Variants in AIG1 observed in about 807,000 individuals in gnomAD.
AIG1 encodes androgen induced 1.
In AIG1, 23 loss-of-function variants were observed where a neutral mutation model predicts 31.4. The ratio of observed to expected loss-of-function variants is 0.73; its 90% confidence interval spans 0.53 to 1.04. The LOEUF (loss-of-function observed/expected upper bound fraction) is 1.04, where lower values mean the gene tolerates loss of function less well. AIG1 is among the 50% of genes least tolerant of loss of function. The pLI, the probability that AIG1 is intolerant of heterozygous loss-of-function variation, is 0.00. For missense variants in AIG1, 274 were observed against 295.0 expected (o/e 0.93, Z 0.52); for synonymous variants, 100 against 110.5 (o/e 0.90, Z 0.60).
At position 143,340,007 on chromosome 6, in the gene AIG1, T is replaced by G. The variant is rs1208303257; in HGVS notation, c.*331T>G. Reference sequence around the variant, plus strand: ...CATCTAATCAAGAAAGAATAAAAGTTTATTGCACTTCTTTTTGAGAAATAT... The same window carrying G: ...CATCTAATCAAGAAAGAATAAAAGTGTATTGCACTTCTTTTTGAGAAATAT... On this transcript the variant is annotated 3_prime_UTR_variant, in exon 6 of 6. Transcript: ENST00000357847. 4.8e-6 allele frequency: 1 copy of G among 206,356 alleles called. No individual in the cohort carries two copies. The highest frequency in any genetic ancestry group is 9.6e-6 in the Non-Finnish European group (1 of 104,278). The allele number at this position is 206,356 out of a possible 1,614,324, so 12.8% of individuals were successfully genotyped here. A position where few individuals can be genotyped will look rare whatever the true frequency, so the allele number is the denominator to read the frequency against.
rs1275599280 is a variant in AIG1 at position 143,339,825 on chromosome 6, A to G, written c.*149A>G. On this transcript the variant is annotated 3_prime_UTR_variant, in exon 6 of 6. Transcript: ENST00000357847. The stretch of plus-strand genomic sequence containing the variant: ...ATGAGGACACCTTTTATATATAAAT[A>G]TGTATAAACATAGAATACAGTTGTT... The G allele has an allele frequency of 3.3e-6, 2 of 606,954 alleles. No individual in the cohort carries two copies. The highest frequency in any genetic ancestry group is 5.5e-6 in the Non-Finnish European group (2 of 364,376). The allele number at this position is 606,954 out of a possible 1,614,324, so 37.6% of individuals were successfully genotyped here.
downstream of AIG1, chr6:143,342,309 C>G (rs1002593167): frequency 1.5e-6 from 1 of 682,120 alleles, no homozygotes; most frequent in Non-Finnish European, 2.7e-6. Flanking sequence ...TCCCCTGGTG[C>G]GCAGCAGCAG....
intron 3 of AIG1, among the ~76,000 whole-genome samples, chr6:143,275,617 A>G (rs1057504693): frequency 6.6e-6 from 1 of 152,072 alleles, no homozygotes; most frequent in Non-Finnish European, 1.5e-5. Flanking sequence ...TGGCCATGTG[A>G]ATGAATGCTG....
At chr6:143,229,699 C>T (rs959524578) in intron 3 of AIG1, among the ~76,000 whole-genome samples, 1 of 147,112 alleles carries the variant, frequency 6.8e-6, no homozygotes, top group Non-Finnish European at 1.5e-5. Flanking sequence ...AAAAGATGAT[C>T]AAGGCAATGC....
chr6:143,196,022 C>T (rs12523778), intron 3 of AIG1, among the ~76,000 whole-genome samples: 6 of 152,224 alleles, frequency 3.9e-5, no homozygotes, highest in African/African-American at 1.4e-4. Flanking sequence ...TTGGCTCCTT[C>T]TGACCTTCTA....
Position 143,279,478 on chromosome 6 carries a change from A to C in AIG1, c.400-4632A>C, listed in dbSNP as rs1317471397. On this transcript the variant is annotated intron_variant, in intron 3 of 5. Transcript: ENST00000357847. This position sits in a 1 kb window ranked among gnomAD's most constrained non-coding sequence, Gnocchi z 5.4. ...GTCTTCCTTTGAGCCTCTTCTGCAA[A>C]AGCCCTTTTTCTTGTCCCATCTGCT... Among the ~76,000 whole-genome samples the C allele has an allele frequency of 2.0e-5, 3 of 152,184 alleles. No individual in the cohort carries two copies. The highest frequency in any genetic ancestry group is 7.2e-5 in the African/African-American group (3 of 41,434).
rs1266664914 is a variant in AIG1 at position 143,256,610 on chromosome 6, C to A, written c.400-27500C>A. Among the ~76,000 whole-genome samples the A allele has an allele frequency of 2.6e-5, 4 of 152,186 alleles. No homozygotes were observed. Among genetic ancestry groups the A allele is most frequent in the African/African-American group, 9.7e-5 (4 of 41,448 alleles). The stretch of plus-strand genomic sequence containing the variant: ...CGAGCAGATAAAAATGGAACCGTTA[C>A]AGCTGAAATAGGGTGGGAAAGGATC... On this transcript the variant is annotated intron_variant, in intron 3 of 5. Coordinates refer to ENST00000357847, the MANE Select transcript of AIG1 (RefSeq NM_016108.4). The surrounding 1 kb of genome is among the most constrained non-coding windows in gnomAD (Gnocchi z 4.6).
intron 1 of AIG1, among the ~76,000 whole-genome samples, chr6:143,091,145 T>G (rs1197559981): frequency 6.6e-6 from 1 of 152,218 alleles, no homozygotes; most frequent in Admixed American, 6.5e-5. Flanking sequence ...CAATCATATC[T>G]TCAGACTCCA....
At chr6:143,336,176 A>G (rs780810648) in intron 5 of AIG1, among the ~76,000 whole-genome samples, 18 of 152,236 alleles carry the variant, frequency 1.2e-4, no homozygotes, top group Non-Finnish European at 2.2e-4. Flanking sequence ...CAGTTACTAT[A>G]CAATCCCCCA....
intron 3 of AIG1, among the ~76,000 whole-genome samples, chr6:143,262,602 G>T (rs1795865384): frequency 1.3e-5 from 2 of 152,158 alleles, no homozygotes; most frequent in African/African-American, 4.8e-5. Flanking sequence ...GATTCTTACA[G>T]ATTCCTACAA....
In AIG1 at chr6:143,330,125, G is replaced by A. The variant is rs1171421876; in HGVS notation, c.516-3157G>A. 6.6e-6 allele frequency among the ~76,000 whole-genome samples: 1 copy of A among 152,104 alleles called. No homozygotes were observed. Among genetic ancestry groups the A allele is most frequent in the African/African-American group, 2.4e-5 (1 of 41,420 alleles). ...CATTAGATTATTAATTCAACAAATA[G>A]TTATTGAGTGCATACTCTGCCAGAT... is the stretch of plus-strand genomic sequence containing the variant. On this transcript the variant is annotated intron_variant, in intron 4 of 5. Transcript: ENST00000357847. This position sits in a 1 kb window ranked among gnomAD's most constrained non-coding sequence, Gnocchi z 4.4.
chr6:143,296,756 T>C (rs1201033844), intron 4 of AIG1, among the ~76,000 whole-genome samples: 1 of 152,230 alleles, frequency 6.6e-6, no homozygotes, highest in Non-Finnish European at 1.5e-5. Context: ...AGAAACTTGA[T>C]CTAAAATAGC....
chr6:143,147,778 C>T (rs1784832113), intron 2 of AIG1, among the ~76,000 whole-genome samples: 1 of 152,146 alleles, frequency 6.6e-6, no homozygotes, highest in Admixed American at 6.5e-5. Context: ...GTTCCACTTG[C>T]ACTTTCTGAG....
At position 143,321,046 on chromosome 6, in the gene AIG1, C is replaced by T. The variant is rs532129139; in HGVS notation, c.516-12236C>T. Reference sequence around the variant, plus strand: ...TGTTGGCCAGGCTGGTCTTGAACTCCCCACCTCAGGTGATCCACCCACCTT... The same window carrying T: ...TGTTGGCCAGGCTGGTCTTGAACTCTCCACCTCAGGTGATCCACCCACCTT... On this transcript the variant is annotated intron_variant, in intron 4 of 5. Transcript: ENST00000357847. Among the ~76,000 whole-genome samples the T allele has an allele frequency of 5.3e-5, 8 of 151,824 alleles. 1 individual carries two copies. In the South Asian group the frequency reaches 1.7e-3, roughly 32 times the overall value.
Position 143,331,369 on chromosome 6 carries a change from C to A in AIG1, c.516-1913C>A, listed in dbSNP as rs1213530502. Among the ~76,000 whole-genome samples the A allele has an allele frequency of 6.6e-6, 1 of 152,108 alleles. No homozygotes were observed. The highest frequency in any genetic ancestry group is 2.1e-4 in the South Asian group (1 of 4,820). On this transcript the variant is annotated intron_variant, in intron 4 of 5. Coordinates refer to ENST00000357847, the MANE Select transcript of AIG1 (RefSeq NM_016108.4). The surrounding 1 kb of genome is among the most constrained non-coding windows in gnomAD (Gnocchi z 4.1). ...AATAACTCCCTATTCTCCACTCCCC[C>A]GAGTCCCTGGTAACTGATAGATACC...
intron 3 of AIG1, among the ~76,000 whole-genome samples, chr6:143,253,491 C>T (rs1057347561): frequency 6.6e-6 from 1 of 152,146 alleles, no homozygotes; most frequent in Non-Finnish European, 1.5e-5. Flanking sequence ...GTTAATTTGT[C>T]TTCAGCATAG....
intron 3 of AIG1, among the ~76,000 whole-genome samples, chr6:143,229,784 CAAAA>C (rs751464049): frequency 0.021 from 1,694 of 80,680 alleles, 29 homozygotes; most frequent in African/African-American, 0.058. Flanking sequence ...ACTCTCAGAA[CAAAA>C]AAAAAAAAAA....
chr6:143,336,696 A>C (rs192860225), intron 5 of AIG1, among the ~76,000 whole-genome samples: 3 of 152,270 alleles, frequency 2.0e-5, no homozygotes, highest in Middle Eastern at 3.4e-3. Context: ...CCATCCCAAC[A>C]ACCCCAAACG....
chr6:143,095,227 G>C (rs908663508), intron 1 of AIG1, among the ~76,000 whole-genome samples: 1 of 151,980 alleles, frequency 6.6e-6, no homozygotes, highest in African/African-American at 2.4e-5. Context: ...TGGAACTTCA[G>C]TAACAATTAT....
Sources: gnomAD v4.1 joint callset for allele counts (sites outside exome capture counted in the v4.1 genomes callset) on GRCh38, gnomAD v4.1.1 for gene constraint, Gnocchi (gnomAD v3.1) non-coding constraint, MANE v1.5 for transcripts, NCBI Gene and HGNC (gene_info 2026-07-23, HGNC 2026-07-21) for gene names.